Variants in RAB8A observed in about 807,000 individuals in gnomAD.
RAB8A encodes ras-related protein Rab-8A.
RAB8A carries 5 observed loss-of-function variants against 29.2 expected under a neutral mutation model. The observed-to-expected ratio is 0.17, with a 90% CI of 0.09 to 0.36. RAB8A has a LOEUF of 0.36. RAB8A is among the 10% of genes least tolerant of loss of function. The probability of loss-of-function intolerance (pLI) is 1.00; values close to 1 mark genes in which losing one functional copy is unlikely to be tolerated. For missense variants in RAB8A, 171 were observed against 272.2 expected (o/e 0.63, Z 2.62); for synonymous variants, 108 against 99.9 (o/e 1.08, Z -0.49).
chr19:16,134,133 A>G lies in RAB8A; in HGVS notation c.*1829A>G, dbSNP rs2090943528. 1.3e-5 allele frequency: 2 copies of G among 152,458 alleles called. No individual in the cohort carries two copies. Among genetic ancestry groups the G allele is most frequent in the South Asian group, 4.1e-4 (2 of 4,834 alleles). The allele number at this position is 152,458 out of a possible 1,614,324, so 9.4% of individuals were successfully genotyped here. A position where few individuals can be genotyped will look rare whatever the true frequency, so the allele number is the denominator to read the frequency against. On this transcript the variant is annotated 3_prime_UTR_variant, in exon 8 of 8. Transcript: ENST00000300935. ...AAATCAGCAAAGGGAAAAGGCATGC[A>G]GAGTGAAGTCCAGAGGCAACCAGAC... is the stretch of plus-strand genomic sequence containing the variant.
At chr19:16,115,173 A>G (rs2090841011) in intron 1 of RAB8A, among the ~76,000 whole-genome samples, 2 of 152,124 alleles carry the variant, frequency 1.3e-5, no homozygotes, top group Admixed American at 1.3e-4. Context: ...CTGTATTCCC[A>G]GCTACTCAGG....
Position 16,132,414 on chromosome 19 carries a change from C to T in RAB8A, c.*110C>T, listed in dbSNP as rs894111151. 104 of 1,023,802 alleles carry T rather than the reference C, an allele frequency of 1.0e-4. No homozygotes were observed. The highest frequency in any genetic ancestry group is 1.4e-4 in the Non-Finnish European group (94 of 695,222). 63.4% of individuals were successfully genotyped at this position (1,023,802 alleles called of 1,614,324 possible). The stretch of plus-strand genomic sequence containing the variant: ...CACCTCCAACGCCCCGCCCACGCCG[C>T]GGCCACCGGGCCCACGGCCACCAGA... On this transcript the variant is annotated 3_prime_UTR_variant, in exon 8 of 8. Coordinates refer to ENST00000300935, the MANE Select transcript of RAB8A (RefSeq NM_005370.5). This position sits in a 1 kb window ranked among gnomAD's most constrained non-coding sequence, Gnocchi z 5.6.
chr19:16,120,521 G>A (rs992811016), intron 2 of RAB8A, among the ~76,000 whole-genome samples: 2 of 151,528 alleles, frequency 1.3e-5, no homozygotes, highest in African/African-American at 4.9e-5. Flanking sequence ...ATGTTGGTCA[G>A]GCTGATCTCA....
intron 1 of RAB8A, among the ~76,000 whole-genome samples, chr19:16,113,606 T>A (rs2090833623): frequency 2.0e-5 from 3 of 152,176 alleles, no homozygotes; most frequent in African/African-American, 7.2e-5. Context: ...TTCACTGTGT[T>A]GGTCAGGCTG....
chr19:16,118,079 G>T, intron 1 of RAB8A, 147 bp from the exon 2 acceptor site: 5 of 663,704 alleles, frequency 7.5e-6, no homozygotes, highest in Non-Finnish European at 7.9e-6. Flanking sequence ...TCCAGATCTG[G>T]ATATTCCGAC....
At chr19:16,119,509 T>C (rs1429792128) in intron 2 of RAB8A, among the ~76,000 whole-genome samples, 1 of 152,050 alleles carries the variant, frequency 6.6e-6, no homozygotes, top group Non-Finnish European at 1.5e-5. Context: ...CCGGCCCTAC[T>C]GTTCACCTCT....
Position 16,125,374 on chromosome 19 carries a change from G to C in RAB8A, c.247-96G>C. On this transcript the variant is annotated intron_variant, in intron 3 of 7. Coordinates refer to ENST00000300935, the MANE Select transcript of RAB8A (RefSeq NM_005370.5). This position sits in a 1 kb window ranked among gnomAD's most constrained non-coding sequence, Gnocchi z 5.0. ...GCTAATGGGCCTGGCTGTGCAGTGGGTGCTGGGCTCCCCACCACTGTTCTC... is the reference window on the plus strand; with the variant it reads ...GCTAATGGGCCTGGCTGTGCAGTGGCTGCTGGGCTCCCCACCACTGTTCTC... 8 of 1,092,514 alleles carry C rather than the reference G, an allele frequency of 7.3e-6. No homozygotes were observed. Among genetic ancestry groups the C allele is most frequent in the Non-Finnish European group, 1.1e-5 (8 of 736,672 alleles). 67.7% of individuals were successfully genotyped at this position (1,092,514 alleles called of 1,614,324 possible).
intron 2 of RAB8A, among the ~76,000 whole-genome samples, chr19:16,119,767 C>T (rs774821326): frequency 2.7e-4 from 41 of 151,740 alleles, no homozygotes; most frequent in Non-Finnish European, 5.0e-4. Flanking sequence ...TGACTCAAAA[C>T]TCTTCTAAGG....
intron 3 of RAB8A, among the ~76,000 whole-genome samples, chr19:16,123,316 T>C (rs1356337659): frequency 2.6e-5 from 4 of 152,162 alleles, no homozygotes; most frequent in African/African-American, 4.8e-5. Context: ...CCAATTAACA[T>C]TGAAAATCCA....
chr19:16,121,671 C>G, intron 2 of RAB8A, 79 bp from the exon 3 acceptor site: 1 of 1,340,986 alleles, frequency 7.5e-7, no homozygotes, highest in Non-Finnish European at 1.1e-6. Flanking sequence ...CCAGGCATCC[C>G]GGGTAGATGC....
intron 1 of RAB8A, among the ~76,000 whole-genome samples, chr19:16,117,714 TA>T (rs60613473): frequency 0.15 from 23,319 of 151,554 alleles, 1,924 homozygotes; most frequent in Non-Finnish European, 0.19. Flanking sequence ...AAGGGGGCCT[TA>T]AAGGAGGAGA....
chr19:16,134,071 T>C lies in RAB8A; in HGVS notation c.*1767T>C, dbSNP rs1361145492. 1 of 152,346 alleles carries C rather than the reference T, an allele frequency of 6.6e-6. No individual in the cohort carries two copies. Among genetic ancestry groups the C allele is most frequent in the Admixed American group, 6.5e-5 (1 of 15,270 alleles). The allele number at this position is 152,346 out of a possible 1,614,324, so 9.4% of individuals were successfully genotyped here. ...CCCAGGTCCAGTCATTCCCTAGGAC[T>C]TGGCAGAGAGCTGTACTCACAGCCA... On this transcript the variant is annotated 3_prime_UTR_variant, in exon 8 of 8. Coordinates refer to ENST00000300935, the MANE Select transcript of RAB8A (RefSeq NM_005370.5).
chr19:16,117,716 AAGG>A (rs2090852709), intron 1 of RAB8A, among the ~76,000 whole-genome samples: 1 of 109,032 alleles, frequency 9.2e-6, no homozygotes, highest in Non-Finnish European at 2.2e-5. Context: ...GGGGGCCTTA[AAGG>A]AGGAGAAGTG....
At position 16,127,857 on chromosome 19, in the gene RAB8A, A is replaced by G. The variant is rs2090908513; in HGVS notation, c.415-169A>G. On this transcript the variant is annotated intron_variant, in intron 5 of 7. Coordinates refer to ENST00000300935, the MANE Select transcript of RAB8A (RefSeq NM_005370.5). The surrounding 1 kb of genome is among the most constrained non-coding windows in gnomAD (Gnocchi z 4.8). The stretch of plus-strand genomic sequence containing the variant: ...CTCCATGCCCTGTGAGGCCCTGTGG[A>G]GGGGCATTCACTATAGAATTGAGGG... 1 of 700,900 alleles carries G rather than the reference A, an allele frequency of 1.4e-6. No individual in the cohort carries two copies. The highest frequency in any genetic ancestry group is 2.1e-5 in the Admixed American group (1 of 47,498). The allele number at this position is 700,900 out of a possible 1,614,324, so 43.4% of individuals were successfully genotyped here.
chr19:16,119,441 G>A (rs1185072211), intron 2 of RAB8A, among the ~76,000 whole-genome samples: 1 of 152,180 alleles, frequency 6.6e-6, no homozygotes, highest in Non-Finnish European at 1.5e-5. Context: ...CCGACCTCAG[G>A]TGACCCACCC....
intron 2 of RAB8A, among the ~76,000 whole-genome samples, chr19:16,120,413 A>G (rs2090869367): frequency 6.7e-6 from 1 of 150,030 alleles, no homozygotes; most frequent in African/African-American, 2.5e-5. Context: ...CCTTGGTTCA[A>G]GCAATTCTCG....
chr19:16,120,868 C>T (rs1362444387), intron 2 of RAB8A, among the ~76,000 whole-genome samples: 1 of 151,660 alleles, frequency 6.6e-6, no homozygotes, highest in Non-Finnish European at 1.5e-5. Flanking sequence ...GCCTCGGCCT[C>T]TTAAAGTGCT....
In RAB8A at chr19:16,112,117, G is replaced by A. The variant is rs554326567; in HGVS notation, c.124+92G>A. 99 of 1,522,086 alleles carry A rather than the reference G, an allele frequency of 6.5e-5. 1 individual carries two copies. In the South Asian group the frequency reaches 1.1e-3, roughly 17 times the overall value. 94.3% of individuals were successfully genotyped at this position (1,522,086 alleles called of 1,614,324 possible). On this transcript the variant is annotated intron_variant, in intron 1 of 7. Coordinates refer to ENST00000300935, the MANE Select transcript of RAB8A (RefSeq NM_005370.5). Reference sequence around the variant, plus strand: ...GGCTGAGGGATCTACAGGGCTGGACGGGCCGAGGGCGCTGAGAGGGTCGAG... The same window carrying A: ...GGCTGAGGGATCTACAGGGCTGGACAGGCCGAGGGCGCTGAGAGGGTCGAG...
chr19:16,132,332 T>G lies in RAB8A; in HGVS notation c.*28T>G. On this transcript the variant is annotated 3_prime_UTR_variant, in exon 8 of 8. Coordinates refer to ENST00000300935, the MANE Select transcript of RAB8A (RefSeq NM_005370.5). The surrounding 1 kb of genome is among the most constrained non-coding windows in gnomAD (Gnocchi z 5.6). ...AACACCGCCTTACTCTGAGCCTCGC[T>G]CAGCCCAGCTGACTGTGCCTGTTCT... The G allele has an allele frequency of 6.2e-7, 1 of 1,606,574 alleles. No homozygotes were observed. The highest frequency in any genetic ancestry group is 2.2e-5 in the East Asian group (1 of 44,712).
Sources: gnomAD v4.1 joint callset for allele counts (sites outside exome capture counted in the v4.1 genomes callset) on GRCh38, gnomAD v4.1.1 for gene constraint, Gnocchi (gnomAD v3.1) non-coding constraint, MANE v1.5 for transcripts, NCBI Gene and HGNC (gene_info 2026-07-23, HGNC 2026-07-21) for gene names.